FAM83B: variants seen among roughly 807,000 people sequenced by gnomAD.
FAM83B encodes the protein protein FAM83B.
In FAM83B, 26 loss-of-function variants were observed where a neutral mutation model predicts 38.8. The observed-to-expected ratio is 0.67, with a 90% CI of 0.49 to 0.93. The LOEUF (loss-of-function observed/expected upper bound fraction) is 0.93, where lower values mean the gene tolerates loss of function less well. FAM83B is among the 40% of genes least tolerant of loss of function. The probability of loss-of-function intolerance (pLI) is 0.00; values close to 1 mark genes in which losing one functional copy is unlikely to be tolerated. For synonymous variants in FAM83B, 419 were observed against 423.1 expected (o/e 0.99, Z 0.12); for missense variants, 1,237 against 1,197.3 (o/e 1.03, Z -0.49).
At chr6:54,894,363 G>T (rs1201105765) in intron 2 of FAM83B, among the ~76,000 whole-genome samples, 1 of 151,824 alleles carries the variant, frequency 6.6e-6, no homozygotes, top group Non-Finnish European at 1.5e-5. Flanking sequence ...TGGTCTATGT[G>T]GATTCTGATG....
chr6:54,876,007 C>A (rs1355733848), intron 2 of FAM83B, among the ~76,000 whole-genome samples: 2 of 151,976 alleles, frequency 1.3e-5, no homozygotes, highest in Non-Finnish European at 2.9e-5. Context: ...AACTTGGTTG[C>A]ACACCAAAGT....
intron 2 of FAM83B, among the ~76,000 whole-genome samples, chr6:54,912,610 A>G (rs2127584939): frequency 6.6e-6 from 1 of 151,938 alleles, no homozygotes; most frequent in Admixed American, 6.5e-5. Flanking sequence ...TAGATTATCT[A>G]TTTTCATTTA....
chr6:54,885,484 T>C (rs1772253480), intron 2 of FAM83B, among the ~76,000 whole-genome samples: 1 of 152,142 alleles, frequency 6.6e-6, no homozygotes, highest in Non-Finnish European at 1.5e-5. Flanking sequence ...AGTGACTGGA[T>C]TGATACCCTT....
At chr6:54,916,835 T>C (rs1773052680) in intron 2 of FAM83B, among the ~76,000 whole-genome samples, 1 of 152,218 alleles carries the variant, frequency 6.6e-6, no homozygotes, top group African/African-American at 2.4e-5. Context: ...ATTTTTCTAC[T>C]GAAATATCTA....
At chr6:54,850,281 C>T (rs1392923252) in intron 1 of FAM83B, among the ~76,000 whole-genome samples, 1 of 152,170 alleles carries the variant, frequency 6.6e-6, no homozygotes, top group South Asian at 2.1e-4. Flanking sequence ...ATTCTTTAGG[C>T]TTGCAGGTTT....
At chr6:54,917,715 A>G (rs1313790512) in intron 2 of FAM83B, among the ~76,000 whole-genome samples, 2 of 152,190 alleles carry the variant, frequency 1.3e-5, no homozygotes, top group Non-Finnish European at 2.9e-5. Flanking sequence ...ATGACCAATT[A>G]CACATTCGGT....
intron 2 of FAM83B, among the ~76,000 whole-genome samples, chr6:54,908,643 A>G (rs1772830798): frequency 6.6e-6 from 1 of 152,172 alleles, no homozygotes; most frequent in Admixed American, 6.5e-5. Context: ...CATCATAGAG[A>G]CAATGTACAA....
intron 2 of FAM83B, among the ~76,000 whole-genome samples, chr6:54,882,355 A>T (rs945379160): frequency 2.6e-5 from 4 of 152,346 alleles, no homozygotes; most frequent in African/African-American, 9.6e-5. Flanking sequence ...ATACTGATGT[A>T]TTAACACATT....
intron 2 of FAM83B, among the ~76,000 whole-genome samples, chr6:54,898,746 T>C (rs1474471060): frequency 1.3e-5 from 2 of 152,192 alleles, no homozygotes; most frequent in Admixed American, 1.3e-4. Context: ...TGTCAAGACC[T>C]GTTGATTCTA....
intron 2 of FAM83B, among the ~76,000 whole-genome samples, chr6:54,892,020 C>A (rs527855963): frequency 6.6e-6 from 1 of 152,220 alleles, no homozygotes; most frequent in South Asian, 2.1e-4. Context: ...TTGCTACCAT[C>A]CATGTTCTGC....
At chr6:54,922,006 AG>A (rs1476163777) in intron 2 of FAM83B, among the ~76,000 whole-genome samples, 6 of 152,204 alleles carry the variant, frequency 3.9e-5, no homozygotes, top group African/African-American at 1.4e-4. Context: ...AGCCCTGAAA[AG>A]CAACCTGGCT....
At chr6:54,860,838 G>A (rs569947808) in intron 1 of FAM83B, among the ~76,000 whole-genome samples, 7 of 152,160 alleles carry the variant, frequency 4.6e-5, no homozygotes, top group Non-Finnish European at 8.8e-5. Flanking sequence ...ATAAAGCTGC[G>A]TAAGGAAAGT....
intron 1 of FAM83B, among the ~76,000 whole-genome samples, chr6:54,863,618 C>A (rs1257113060): frequency 6.6e-6 from 1 of 151,352 alleles, no homozygotes; most frequent in East Asian, 1.9e-4. Flanking sequence ...TCTCTTTGGA[C>A]TAAAAGTTCC....
chr6:54,883,127 G>A (rs1772174396), intron 2 of FAM83B, among the ~76,000 whole-genome samples: 1 of 151,790 alleles, frequency 6.6e-6, no homozygotes, highest in East Asian at 1.9e-4. Context: ...TGTATTTTTA[G>A]TAGAGACTGG....
chr6:54,860,759 C>T (rs916795113), intron 1 of FAM83B, among the ~76,000 whole-genome samples: 6 of 152,160 alleles, frequency 3.9e-5, no homozygotes, highest in South Asian at 2.1e-4. Context: ...TGTACATAAT[C>T]GTATCACACC....
chr6:54,925,668 A>AT (rs928141527), intron 2 of FAM83B, among the ~76,000 whole-genome samples: 1 of 152,006 alleles, frequency 6.6e-6, no homozygotes, highest in Non-Finnish European at 1.5e-5. Flanking sequence ...CTTTTTGCAG[A>AT]TTTTTTTCAA....
Position 54,940,262 on chromosome 6 carries a change from G to A in FAM83B, c.1291G>A (p.Glu431Lys), listed in dbSNP as rs1375505928. The A allele has an allele frequency of 6.2e-7, 1 of 1,613,978 alleles. No individual in the cohort carries two copies. The highest frequency in any genetic ancestry group is 2.2e-5 in the East Asian group (1 of 44,868). ...DSLSVASSSR[E>K]GYVSHHNTPA... ...TCTCAGTGTGGCGTCCTCATCACGG[G>A]AAGGCTATGTAAGCCACCACAACAC... is the stretch of plus-strand genomic sequence containing the variant. Residue 431 changes from glutamate to lysine, a missense_variant, in exon 5 of 5, where the codon GAA becomes AAA. Transcript: ENST00000306858.
chr6:54,869,058 A>G (rs1771782623), intron 1 of FAM83B, among the ~76,000 whole-genome samples: 1 of 152,224 alleles, frequency 6.6e-6, no homozygotes. Context: ...CCATTCCAGT[A>G]TCTCACACAG....
At chr6:54,927,728 TAAAAAAAAAAAAA>T (rs1049777485) in intron 4 of FAM83B, 96 bp downstream of exon 4, 14 of 99,136 alleles carry the variant, frequency 1.4e-4, no homozygotes, top group Admixed American at 5.4e-4. Flanking sequence ...TTCTTAAAAG[TAAAAAAAAAAAAA>T]AAAAAAAAAA....
Sources: allele counts gnomAD v4.1 joint callset (sites outside exome capture counted in the v4.1 genomes callset), GRCh38; gene constraint gnomAD v4.1.1; transcripts MANE v1.5; gene names NCBI Gene and HGNC (gene_info 2026-07-23, HGNC 2026-07-21).